DIAPH3: variants seen among roughly 807,000 people sequenced by gnomAD.
DIAPH3 encodes protein diaphanous homolog 3.
In DIAPH3, 117 loss-of-function variants were observed where a neutral mutation model predicts 144.3. The observed-to-expected ratio is 0.81, with a 90% CI of 0.70 to 0.95. The LOEUF (loss-of-function observed/expected upper bound fraction) is 0.95. Ranked by LOEUF, DIAPH3 falls within the 40% of genes least tolerant of loss-of-function variation. DIAPH3 has a pLI of 0.00. For missense variants in DIAPH3, 1,421 were observed against 1,412.7 expected (o/e 1.01, Z -0.09); for synonymous variants, 519 against 488.9 (o/e 1.06, Z -0.81).
At chr13:59,752,188 C>T (rs1399739149) in intron 27 of DIAPH3, among the ~76,000 whole-genome samples, 6 of 152,038 alleles carry the variant, frequency 3.9e-5, no homozygotes, top group Admixed American at 3.9e-4. Flanking sequence ...ATTTAGTTTT[C>T]ACAAATACTC....
At chr13:60,056,829 T>C (rs1356947753) in intron 4 of DIAPH3, among the ~76,000 whole-genome samples, 1 of 151,866 alleles carries the variant, frequency 6.6e-6, no homozygotes, top group Admixed American at 6.6e-5. Flanking sequence ...CCATATGAAG[T>C]TTCCTTTTGG....
intron 27 of DIAPH3, among the ~76,000 whole-genome samples, chr13:59,672,188 T>C (rs1325745047): frequency 6.6e-6 from 1 of 152,220 alleles, no homozygotes; most frequent in African/African-American, 2.4e-5. Context: ...GGAAGACTTC[T>C]CTGCTGCAGG....
At chr13:60,138,527 G>A (rs1323942804) in intron 1 of DIAPH3, among the ~76,000 whole-genome samples, 1 of 152,234 alleles carries the variant, frequency 6.6e-6, no homozygotes, top group African/African-American at 2.4e-5. Flanking sequence ...CTGCCATGAA[G>A]TGAAAGGTAC....
chr13:60,162,809 T>TCTCACACACACACA (rs1555388530), intron 1 of DIAPH3, among the ~76,000 whole-genome samples: 2 of 122,424 alleles, frequency 1.6e-5, no homozygotes, highest in African/African-American at 6.6e-5. Flanking sequence ...TCTCTCTCTC[T>TCTCACACACACACA]CACACACACA....
intron 27 of DIAPH3, among the ~76,000 whole-genome samples, chr13:59,700,666 C>T (rs1015340768): frequency 1.3e-5 from 2 of 152,048 alleles, no homozygotes; most frequent in African/African-American, 4.8e-5. Context: ...AGGATAAAGC[C>T]AGTTGATGGG....
At chr13:59,907,825 CTTAA>C (rs2046812344) in intron 20 of DIAPH3, among the ~76,000 whole-genome samples, 1 of 152,148 alleles carries the variant, frequency 6.6e-6, no homozygotes, top group South Asian at 2.1e-4. Context: ...ACATTTATGA[CTTAA>C]TTAGAAAGAG....
chr13:60,106,179 A>C (rs1294593872), intron 3 of DIAPH3, among the ~76,000 whole-genome samples: 1 of 152,168 alleles, frequency 6.6e-6, no homozygotes, highest in Non-Finnish European at 1.5e-5. Flanking sequence ...CTTAGATATT[A>C]AGGTTTATTA....
At chr13:60,105,980 A>G (rs2058407929) in intron 3 of DIAPH3, among the ~76,000 whole-genome samples, 1 of 152,170 alleles carries the variant, frequency 6.6e-6, no homozygotes, top group South Asian at 2.1e-4. Context: ...TAAATCTTTA[A>G]CACCAAGAAT....
intron 20 of DIAPH3, among the ~76,000 whole-genome samples, chr13:59,903,279 A>G (rs1270475694): frequency 3.9e-5 from 6 of 152,216 alleles, no homozygotes; most frequent in African/African-American, 1.4e-4. Context: ...ACACCTAAGG[A>G]ATGCAAGAAA....
chr13:60,039,423 C>A (rs532263403), intron 5 of DIAPH3, among the ~76,000 whole-genome samples: 1 of 152,040 alleles, frequency 6.6e-6, no homozygotes, highest in Admixed American at 6.6e-5. Flanking sequence ...CGTGCTTCAG[C>A]TTCCCAAGTG....
At chr13:60,078,225 T>G (rs928387409) in intron 4 of DIAPH3, among the ~76,000 whole-genome samples, 11 of 152,120 alleles carry the variant, frequency 7.2e-5, no homozygotes, top group African/African-American at 2.4e-4. Flanking sequence ...CCAAAGCATA[T>G]TATATCTCAC....
chr13:59,876,565 C>T (rs2140036283), intron 21 of DIAPH3, among the ~76,000 whole-genome samples: 1 of 152,286 alleles, frequency 6.6e-6, no homozygotes, highest in Non-Finnish European at 1.5e-5. Context: ...ACATAAGACA[C>T]TACTTTTTGT....
chr13:60,016,225 A>C (rs1258215993), intron 5 of DIAPH3, 80 bp from the exon 6 acceptor site: 2 of 1,202,358 alleles, frequency 1.7e-6, no homozygotes, highest in African/African-American at 3.0e-5. Flanking sequence ...CAAGTATTTT[A>C]TATTTGCTAT....
At chr13:60,100,789 G>A (rs1172388230) in intron 3 of DIAPH3, among the ~76,000 whole-genome samples, 1 of 150,318 alleles carries the variant, frequency 6.7e-6, no homozygotes, top group Non-Finnish European at 1.5e-5. Flanking sequence ...AAAAAAAAAA[G>A]AAGTTTTTTT....
chr13:60,040,637 T>C (rs1594471203), intron 5 of DIAPH3, among the ~76,000 whole-genome samples: 1 of 152,104 alleles, frequency 6.6e-6, no homozygotes, highest in African/African-American at 2.4e-5. Flanking sequence ...TACTCCTCAT[T>C]ATATTGAAAA....
chr13:59,687,695 A>G (rs1404928991), intron 27 of DIAPH3, among the ~76,000 whole-genome samples: 3 of 152,090 alleles, frequency 2.0e-5, no homozygotes, highest in Non-Finnish European at 4.4e-5. Flanking sequence ...CTAAGCAAAT[A>G]TGGATAAAAT....
chr13:60,047,228 G>A (rs1260831521), intron 4 of DIAPH3, among the ~76,000 whole-genome samples: 1 of 151,650 alleles, frequency 6.6e-6, no homozygotes, highest in Non-Finnish European at 1.5e-5. Context: ...TCACAGAACA[G>A]AAGAATTAAT....
chr13:60,119,219 T>C (rs1385364778), intron 2 of DIAPH3, among the ~76,000 whole-genome samples: 1 of 152,140 alleles, frequency 6.6e-6, no homozygotes, highest in Non-Finnish European at 1.5e-5. Flanking sequence ...ATGAGAACAC[T>C]CAAGAACTCC....
At chr13:60,033,232 A>G (rs1017754075) in intron 5 of DIAPH3, among the ~76,000 whole-genome samples, 1 of 152,142 alleles carries the variant, frequency 6.6e-6, no homozygotes, top group African/African-American at 2.4e-5. Context: ...CTTATTTCCC[A>G]TATTCTTCTG....
Sources: allele counts gnomAD v4.1 joint callset (sites outside exome capture counted in the v4.1 genomes callset), GRCh38; gene constraint gnomAD v4.1.1; transcripts MANE v1.5; gene names NCBI Gene and HGNC (gene_info 2026-07-23, HGNC 2026-07-21).